SLIT1: variants seen among roughly 807,000 people sequenced by gnomAD.
SLIT1 encodes the protein slit homolog 1 protein.
In SLIT1, 66 loss-of-function variants were observed where a neutral mutation model predicts 186.1. The observed-to-expected ratio is 0.35, with a 90% CI of 0.29 to 0.44. SLIT1 has a LOEUF of 0.44. SLIT1 is among the 20% of genes least tolerant of loss of function. The pLI is 1.00. For missense variants in SLIT1, 1,638 were observed against 2,037.4 expected, an observed-to-expected ratio of 0.80 and a Z score of 3.77; for synonymous variants, 761 against 833.8, an observed-to-expected ratio of 0.91 and a Z score of 1.50.
At chr10:97,083,092 T>TTTTA (rs536162342) in intron 4 of SLIT1, among the ~76,000 whole-genome samples, 225 of 152,072 alleles carry the variant, frequency 1.5e-3, no homozygotes, top group African/African-American at 3.9e-3. Context: ...AGCTAAATAT[T>TTTTA]TTTATTTATT....
At chr10:97,001,486 T>C in intron 36 of SLIT1, 136 bp from the exon 37 acceptor site, 1 of 671,692 alleles carries the variant, frequency 1.5e-6, no homozygotes, top group Non-Finnish European at 2.6e-6. Flanking sequence ...ACCCCACCTC[T>C]GTCCCCAGCA....
At chr10:97,014,187 C>G (rs1848434787) in intron 28 of SLIT1, 29 bp from the exon 29 acceptor site, 5 of 1,610,746 alleles carry the variant, frequency 3.1e-6, no homozygotes, top group African/African-American at 1.3e-5. Flanking sequence ...GATGGAGAGA[C>G]AGCCCTCTTG....
At chr10:97,161,754 G>A (rs1309928331) in intron 3 of SLIT1, among the ~76,000 whole-genome samples, 1 of 152,178 alleles carries the variant, frequency 6.6e-6, no homozygotes, top group Non-Finnish European at 1.5e-5. Flanking sequence ...CTCCAGCCTG[G>A]GCAACAAGAG....
At chr10:97,141,736 TGTATCGTATCGTATC>T (rs1268951481) in intron 4 of SLIT1, among the ~76,000 whole-genome samples, 4 of 127,402 alleles carry the variant, frequency 3.1e-5, no homozygotes, top group African/African-American at 1.3e-4. Context: ...TGTACTGTAT[TGTATCGTATCGTATC>T]GTATCGTATC....
chr10:97,169,905 G>A (rs976082027), intron 1 of SLIT1, among the ~76,000 whole-genome samples: 3 of 152,202 alleles, frequency 2.0e-5, no homozygotes, highest in Non-Finnish European at 2.9e-5. Context: ...GTGGTGGGGC[G>A]GGATCAGACC....
intron 4 of SLIT1, among the ~76,000 whole-genome samples, chr10:97,105,450 C>T (rs7098931): frequency 0.028 from 4,304 of 152,200 alleles, 113 homozygotes; most frequent in South Asian, 0.13. Context: ...AACCCAAGGC[C>T]CTCCTTGCCA....
intron 22 of SLIT1, 139 bp downstream of exon 22, chr10:97,037,559 T>A (rs1848651830): frequency 1.5e-6 from 1 of 654,874 alleles, no homozygotes; most frequent in African/African-American, 1.8e-5. Flanking sequence ...TAGGCACAGC[T>A]GTTCCCAGAG....
At chr10:97,081,801 C>G (rs79446942) in intron 4 of SLIT1, among the ~76,000 whole-genome samples, 1 of 152,204 alleles carries the variant, frequency 6.6e-6, no homozygotes. Flanking sequence ...CTACGAGGAA[C>G]CACAAGGAGT....
At chr10:97,098,957 A>C (rs1014911722) in intron 4 of SLIT1, among the ~76,000 whole-genome samples, 3 of 152,146 alleles carry the variant, frequency 2.0e-5, no homozygotes, top group Non-Finnish European at 2.9e-5. Flanking sequence ...TCCTGTCCCC[A>C]GTTTCCTGAG....
chr10:97,041,168 G>T (rs116772790), intron 20 of SLIT1, among the ~76,000 whole-genome samples: 1 of 152,236 alleles, frequency 6.6e-6, no homozygotes, highest in East Asian at 1.9e-4. Flanking sequence ...TGTTCTAGGG[G>T]AGAGTGGAAT....
intron 4 of SLIT1, among the ~76,000 whole-genome samples, chr10:97,135,741 G>A (rs1051403510): frequency 2.6e-5 from 4 of 152,236 alleles, no homozygotes; most frequent in Non-Finnish European, 4.4e-5. Flanking sequence ...GGCTGCAGAA[G>A]GGGATGTAAA....
intron 1 of SLIT1, among the ~76,000 whole-genome samples, chr10:97,180,867 T>A (rs1195028121): frequency 1.3e-5 from 2 of 152,192 alleles, no homozygotes; most frequent in Non-Finnish European, 2.9e-5. Flanking sequence ...AGCTTGAGCT[T>A]CCCAAATAAT....
intron 25 of SLIT1, among the ~76,000 whole-genome samples, chr10:97,027,641 A>G (rs1848557462): frequency 1.3e-5 from 2 of 152,212 alleles, no homozygotes; most frequent in African/African-American, 4.8e-5. Context: ...TATAAACTAG[A>G]TCTGGCTTCT....
intron 20 of SLIT1, among the ~76,000 whole-genome samples, chr10:97,042,261 G>A (rs950057016): frequency 4.6e-5 from 7 of 152,104 alleles, no homozygotes; most frequent in South Asian, 4.1e-4. Flanking sequence ...ACCCAGAAGC[G>A]GAGAAGGGGG....
In SLIT1 at chr10:97,000,898, C is replaced by T; in HGVS notation, c.*214G>A. On this transcript the variant is annotated 3_prime_UTR_variant, in exon 37 of 37. Transcript: ENST00000266058. ...GCAAGGCACTTCCGGAGAGGGCAGC[C>T]CGCAGCTCAGGCCTCGCCCACCCCC... is the stretch of plus-strand genomic sequence containing the variant. 5.1e-6 allele frequency: 3 copies of T among 586,880 alleles called. No homozygotes were observed. The highest frequency in any genetic ancestry group is 5.6e-5 in the East Asian group (2 of 35,766). The allele number at this position is 586,880 out of a possible 1,614,324, so 36.4% of individuals were successfully genotyped here. A position where few individuals can be genotyped will look rare whatever the true frequency, so the allele number is the denominator to read the frequency against.
At chr10:97,136,480 T>C (rs1045223851) in intron 4 of SLIT1, among the ~76,000 whole-genome samples, 3 of 152,224 alleles carry the variant, frequency 2.0e-5, no homozygotes, top group African/African-American at 7.2e-5. Context: ...CATAGTAATC[T>C]TTTTGTATCC....
chr10:97,059,385 C>G, intron 11 of SLIT1, 75 bp downstream of exon 11: 1 of 1,239,316 alleles, frequency 8.1e-7, no homozygotes, highest in Non-Finnish European at 1.2e-6. Context: ...CCTGCATCCA[C>G]CAGGACCCTG....
chr10:97,075,521 T>C (rs1849037407), intron 4 of SLIT1, among the ~76,000 whole-genome samples: 2 of 152,080 alleles, frequency 1.3e-5, no homozygotes. Context: ...TCTGCAACAA[T>C]ACTGACCTCC....
chr10:97,146,123 T>A (rs1229728002), intron 4 of SLIT1, among the ~76,000 whole-genome samples: 2 of 152,152 alleles, frequency 1.3e-5, no homozygotes, highest in Non-Finnish European at 2.9e-5. Context: ...CCAAACTGAT[T>A]CCAAACTATA....
Sources: gnomAD v4.1 joint callset for allele counts (sites outside exome capture counted in the v4.1 genomes callset) on GRCh38, gnomAD v4.1.1 for gene constraint, MANE v1.5 for transcripts, NCBI Gene and HGNC (gene_info 2026-07-23, HGNC 2026-07-21) for gene names.